Variants in CADPS2 observed in about 807,000 individuals in gnomAD.
The protein encoded by CADPS2 is calcium dependent secretion activator 2, also known as calcium-dependent secretion activator 2.
CADPS2 carries 93 observed loss-of-function variants against 172.5 expected under a neutral mutation model. That is an observed-to-expected ratio of 0.54 (90% CI 0.46 to 0.64). CADPS2 has a LOEUF of 0.64. Among genes scored for constraint, CADPS2 ranks in the 30% least tolerant of loss-of-function variants. The pLI is 0.00. For synonymous variants in CADPS2, 546 were observed against 555.2 expected (o/e 0.98, Z 0.23); for missense variants, 1,420 against 1,565.9 (o/e 0.91, Z 1.57).
intron 6 of CADPS2, among the ~76,000 whole-genome samples, chr7:122,609,462 A>G (rs2074019364): frequency 6.6e-6 from 1 of 152,212 alleles, no homozygotes; most frequent in African/African-American, 2.4e-5. Flanking sequence ...ACTATGAAAC[A>G]ATGACTTAAA....
intron 8 of CADPS2, among the ~76,000 whole-genome samples, chr7:122,517,541 T>C (rs2060471006): frequency 6.6e-6 from 1 of 152,050 alleles, no homozygotes; most frequent in Non-Finnish European, 1.5e-5. Flanking sequence ...AGGTACATCT[T>C]ACTTTTGTAA....
At chr7:122,859,710 C>T (rs1051602545) in intron 1 of CADPS2, among the ~76,000 whole-genome samples, 1 of 152,076 alleles carries the variant, frequency 6.6e-6, no homozygotes, top group Non-Finnish European at 1.5e-5. Context: ...TATAAAATGG[C>T]ATAGTATTTA....
chr7:122,534,295 C>T (rs1002189644), intron 8 of CADPS2, among the ~76,000 whole-genome samples: 6 of 151,916 alleles, frequency 3.9e-5, no homozygotes, highest in South Asian at 2.1e-4. Context: ...ATTCCTTGAA[C>T]TGATATGATC....
chr7:122,522,902 T>C (rs541954571), intron 8 of CADPS2, among the ~76,000 whole-genome samples: 43 of 152,270 alleles, frequency 2.8e-4, no homozygotes, highest in African/African-American at 9.6e-4. Context: ...AACGACAGGA[T>C]TTCATTCTTT....
intron 24 of CADPS2, among the ~76,000 whole-genome samples, chr7:122,382,021 T>C: frequency 6.6e-6 from 1 of 152,090 alleles, no homozygotes; most frequent in East Asian, 1.9e-4. Flanking sequence ...TATAGGCACA[T>C]GAGTGTGAGA....
chr7:122,641,491 T>G (rs575953119), intron 3 of CADPS2, among the ~76,000 whole-genome samples: 1 of 152,304 alleles, frequency 6.6e-6, no homozygotes, highest in African/African-American at 2.4e-5. Context: ...CCTTGGGGAA[T>G]TATTTGAATT....
At chr7:122,469,766 T>G (rs1471724631) in intron 14 of CADPS2, among the ~76,000 whole-genome samples, 1 of 147,686 alleles carries the variant, frequency 6.8e-6, no homozygotes, top group Non-Finnish European at 1.5e-5. Flanking sequence ...AATAGGTGAA[T>G]GAGAACTGAT....
At chr7:122,708,063 T>C (rs923707510) in intron 2 of CADPS2, among the ~76,000 whole-genome samples, 4 of 151,840 alleles carry the variant, frequency 2.6e-5, no homozygotes, top group African/African-American at 9.7e-5. Context: ...ATATCTGTCA[T>C]CTCATATAGT....
chr7:122,545,233 A>G (rs2063502243), intron 8 of CADPS2, among the ~76,000 whole-genome samples: 1 of 152,174 alleles, frequency 6.6e-6, no homozygotes, highest in Admixed American at 6.6e-5. Context: ...GGGAGTGGGG[A>G]CAAGATGGCT....
intron 1 of CADPS2, 140 bp from the exon 2 acceptor site, chr7:122,737,208 C>T (rs1274259335): frequency 5.2e-6 from 3 of 573,926 alleles, no homozygotes; most frequent in East Asian, 5.8e-5. Flanking sequence ...GCTAAAACAT[C>T]CTACTACTTG....
At chr7:122,815,094 A>C (rs576682561) in intron 1 of CADPS2, among the ~76,000 whole-genome samples, 1 of 152,290 alleles carries the variant, frequency 6.6e-6, no homozygotes, top group South Asian at 2.1e-4. Context: ...AGATCTAAAG[A>C]AAAGAGGTTT....
chr7:122,855,745 C>T (rs1328533685), intron 1 of CADPS2, among the ~76,000 whole-genome samples: 1 of 152,162 alleles, frequency 6.6e-6, no homozygotes, highest in Non-Finnish European at 1.5e-5. Context: ...CGAGCCCTGA[C>T]AACTTCTTTT....
Position 122,379,380 on chromosome 7 carries a change from C to T in CADPS2, c.3375G>A (p.Leu1125=), listed in dbSNP as rs771611337. ...IDNSVKEIIS[L]LVSKFVSVLE... The stretch of plus-strand genomic sequence containing the variant: ...AATAATACATTACCTTTGAAACTAA[C>T]AGTGAAATGATTTCTTTTACACTGT... The change falls in exon 25 of 30, where the codon CTG becomes CTA. Residue 1125 remains leucine, a synonymous_variant. Coordinates refer to ENST00000449022, the MANE Select transcript of CADPS2 (RefSeq NM_017954.11). The T allele has an allele frequency of 1.9e-6, 3 of 1,591,280 alleles. No homozygotes were observed. Among genetic ancestry groups the T allele is most frequent in the Admixed American group, 1.7e-5 (1 of 59,168 alleles).
chr7:122,544,928 C>T (rs774204220), intron 8 of CADPS2, among the ~76,000 whole-genome samples: 13 of 152,226 alleles, frequency 8.5e-5, no homozygotes, highest in Middle Eastern at 3.4e-3. Flanking sequence ...GCAAGTCTGG[C>T]TGACTTAATC....
intron 17 of CADPS2, among the ~76,000 whole-genome samples, chr7:122,431,524 C>T (rs889016831): frequency 6.6e-6 from 1 of 151,988 alleles, no homozygotes; most frequent in Non-Finnish European, 1.5e-5. Flanking sequence ...GATTTTAGCC[C>T]AGTGCAAATT....
chr7:122,448,657 AT>A (rs1429032816), intron 15 of CADPS2, among the ~76,000 whole-genome samples: 4 of 152,086 alleles, frequency 2.6e-5, no homozygotes, highest in Admixed American at 6.6e-5. Flanking sequence ...AGTGGCTCTG[AT>A]TAGTCTAACT....
At chr7:122,328,710 C>G (rs2034384104) in intron 28 of CADPS2, 1 of 152,130 alleles carries the variant, frequency 6.6e-6, no homozygotes, top group Non-Finnish European at 1.5e-5. Flanking sequence ...CTTGAGATAT[C>G]TCTTTTAAAG....
At chr7:122,801,960 C>T (rs2139971454) in intron 1 of CADPS2, among the ~76,000 whole-genome samples, 1 of 151,684 alleles carries the variant, frequency 6.6e-6, no homozygotes, top group South Asian at 2.1e-4. Flanking sequence ...AATCAACATT[C>T]AAATAATTAA....
intron 8 of CADPS2, among the ~76,000 whole-genome samples, chr7:122,537,790 T>C (rs1171883561): frequency 6.6e-6 from 1 of 151,756 alleles, no homozygotes; most frequent in South Asian, 2.1e-4. Context: ...TTGAAAAGAT[T>C]AGTATTGCAG....
Sources: allele counts gnomAD v4.1 joint callset (sites outside exome capture counted in the v4.1 genomes callset), GRCh38; gene constraint gnomAD v4.1.1; transcripts MANE v1.5; gene names NCBI Gene and HGNC (gene_info 2026-07-23, HGNC 2026-07-21).